The following ABCA9 variants were observed in gnomAD, a reference collection of about 807,000 sequenced individuals.
ABCA9 encodes ATP-binding cassette sub-family A member 9.
ABCA9 carries 183 observed loss-of-function variants against 205.3 expected under a neutral mutation model. That is an observed-to-expected ratio of 0.89 (90% CI 0.79 to 1.01). ABCA9 has a LOEUF of 1.01. Among genes scored for constraint, ABCA9 ranks in the 50% least tolerant of loss-of-function variants. The probability of loss-of-function intolerance (pLI) is 0.00; values close to 1 mark genes in which losing one functional copy is unlikely to be tolerated. For synonymous variants in ABCA9, 651 were observed against 683.3 expected (o/e 0.95, Z 0.74); for missense variants, 1,805 against 1,912.4 (o/e 0.94, Z 1.05).
rs139507179 is a variant in ABCA9, at chr17:69,023,633, C to T, written c.2281+581G>A. Among the ~76,000 whole-genome samples the T allele has an allele frequency of 5.9e-3, 893 of 152,292 alleles. 10 individuals carry two copies. Among genetic ancestry groups the T allele is most frequent in the African/African-American group, 0.02 (842 of 41,556 alleles). ...AGTAAACTTAAGAAGCATTCTACCT[C>T]AAAACGCTTAGGAAGTGAAACAGTG... On this transcript the variant is annotated intron_variant, in intron 17 of 38. Coordinates refer to ENST00000340001, the MANE Select transcript of ABCA9 (RefSeq NM_080283.4). This position sits in a 1 kb window ranked among gnomAD's most constrained non-coding sequence, Gnocchi z 4.2.
At chr17:68,987,853 C>T (rs556802956) in intron 31 of ABCA9, among the ~76,000 whole-genome samples, 2 of 152,050 alleles carry the variant, frequency 1.3e-5, no homozygotes, top group South Asian at 4.2e-4. Flanking sequence ...CTTGGCCTCC[C>T]GGCCGGGTTC....
At chr17:68,990,806 A>G (rs778069664) in intron 29 of ABCA9, 31 bp downstream of exon 29, 1 of 1,594,878 alleles carries the variant, frequency 6.3e-7, no homozygotes, top group Non-Finnish European at 8.5e-7. Flanking sequence ...AGAAAAAAAA[A>G]TAGTTGACGA....
chr17:69,076,788 T>G, the ABCA9 span, among the ~76,000 whole-genome samples: 1 of 152,160 alleles, frequency 6.6e-6, no homozygotes, highest in Non-Finnish European at 1.5e-5. Context: ...ATTTTCTAGT[T>G]TGTGTGCATA....
chr17:68,983,653 C>T, intron 36 of ABCA9, 56 bp downstream of exon 36: 1 of 1,595,772 alleles, frequency 6.3e-7, no homozygotes, highest in Non-Finnish European at 8.5e-7. Context: ...GTCATCATAG[C>T]AGAAATATGG....
In ABCA9 at chr17:69,005,086, G is replaced by A. The variant is rs190760992; in HGVS notation, c.3435+2673C>T. Among the ~76,000 whole-genome samples, 356 of 152,254 alleles carry A rather than the reference G, an allele frequency of 2.3e-3. 1 individual carries two copies. Among genetic ancestry groups the A allele is most frequent in the East Asian group, 4.3e-3 (22 of 5,170 alleles). On this transcript the variant is annotated intron_variant, in intron 25 of 38. Coordinates refer to ENST00000340001, the MANE Select transcript of ABCA9 (RefSeq NM_080283.4). ...AATGCAGAAATCACCCGTCTTCTGCGTCGCTCAGGCTGGGAGCTGTAGACC... is the reference window on the plus strand; with the variant it reads ...AATGCAGAAATCACCCGTCTTCTGCATCGCTCAGGCTGGGAGCTGTAGACC...
At chr17:69,008,273 A>T (rs745973290) in intron 23 of ABCA9, 38 bp from the exon 24 acceptor site, 3 of 1,581,748 alleles carry the variant, frequency 1.9e-6, no homozygotes, top group Non-Finnish European at 2.6e-6. Flanking sequence ...AAGGTTCTGA[A>T]GAGCTGAAGT....
At chr17:68,979,095 G>T (rs1163347201) in intron 37 of ABCA9, among the ~76,000 whole-genome samples, 1 of 152,104 alleles carries the variant, frequency 6.6e-6, no homozygotes, top group African/African-American at 2.4e-5. Context: ...AAAGTCTCAG[G>T]ATACAAAATC....
intron 6 of ABCA9, among the ~76,000 whole-genome samples, chr17:69,038,723 C>T (rs1184546648): frequency 3.9e-5 from 6 of 152,110 alleles, no homozygotes; most frequent in Non-Finnish European, 7.4e-5. Flanking sequence ...CCAGCACAAT[C>T]AGGCAAGAGA....
intron 30 of ABCA9, 129 bp from the exon 31 acceptor site, chr17:68,989,247 C>CTG: frequency 2.3e-6 from 1 of 437,470 alleles, no homozygotes; most frequent in Non-Finnish European, 4.1e-6. Flanking sequence ...TTATTCCTCT[C>CTG]TCTCTCTCTC....
At chr17:68,983,630 A>C (rs1345231683) in intron 36 of ABCA9, 79 bp downstream of exon 36, 1 of 1,552,020 alleles carries the variant, frequency 6.4e-7, no homozygotes. Context: ...CGAGAAGATA[A>C]AGCTCTTATT....
At chr17:69,051,704 G>A (rs2071906520) in intron 1 of ABCA9, 2 of 152,244 alleles carry the variant, frequency 1.3e-5, no homozygotes, top group African/African-American at 4.8e-5. Flanking sequence ...TAGGATTCAG[G>A]AGCACTGGAT....
At chr17:69,039,700 C>T (rs2071470608) in intron 6 of ABCA9, among the ~76,000 whole-genome samples, 1 of 152,110 alleles carries the variant, frequency 6.6e-6, no homozygotes, top group African/African-American at 2.4e-5. Context: ...CAAAAATTGA[C>T]AAATGGGATC....
In ABCA9 at chr17:69,027,704, A is replaced by G; in HGVS notation, c.1727T>C (p.Val576Ala). Residue 576 changes from valine to alanine, a missense_variant, in exon 13 of 39, where the codon GTG becomes GCG. Physicochemically the swap from Val to Ala is moderately conservative, Grantham distance 64. Transcript: ENST00000340001. ...AGCAAACAGCCTGAGGTTTTCTTTCACAGTGAGAAATCCAAATTGCACATT... is the reference window on the plus strand; with the variant it reads ...AGCAAACAGCCTGAGGTTTTCTTTCGCAGTGAGAAATCCAAATTGCACATT... Reference protein sequence around the residue: ...QSNVQFGFLTVKENLRLFAKI... With the variant: ...QSNVQFGFLTAKENLRLFAKI... 1.9e-6 allele frequency: 3 copies of G among 1,613,574 alleles called. No individual in the cohort carries two copies. The highest frequency in any genetic ancestry group is 2.5e-6 in the Non-Finnish European group (3 of 1,179,900).
chr17:68,986,357 C>A (rs1359148653), intron 31 of ABCA9, 33 bp from the exon 32 acceptor site: 1 of 1,581,860 alleles, frequency 6.3e-7, no homozygotes, highest in East Asian at 2.3e-5. Flanking sequence ...TAGATTCTAT[C>A]CCAAATGTCA....
At chr17:69,006,341 A>T (rs1390021485) in intron 25 of ABCA9, among the ~76,000 whole-genome samples, 1 of 152,216 alleles carries the variant, frequency 6.6e-6, no homozygotes, top group African/African-American at 2.4e-5. Context: ...AGAACAAGAA[A>T]GTTCATGGCA....
rs2068891999 is a variant in ABCA9 at position 68,976,329 on chromosome 17, A to G, written c.4721-139T>C. ...AGTATTCTTAGACTAAATATGGGAA[A>G]GCAAACGCGATATAGTCATATAACA... On this transcript the variant is annotated intron_variant, in intron 37 of 38. Coordinates refer to ENST00000340001, the MANE Select transcript of ABCA9 (RefSeq NM_080283.4). 3 of 704,090 alleles carry G rather than the reference A, an allele frequency of 4.3e-6. No individual in the cohort carries two copies. The African/African-American group carries it at 5.4e-5, about 13-fold the overall frequency. The allele number at this position is 704,090 out of a possible 1,614,324, so 43.6% of individuals were successfully genotyped here.
At chr17:68,999,568 A>G (rs1352525746) in intron 25 of ABCA9, among the ~76,000 whole-genome samples, 1 of 144,438 alleles carries the variant, frequency 6.9e-6, no homozygotes, top group African/African-American at 2.6e-5. Flanking sequence ...GCTATTGTGA[A>G]TAATGCCGCA....
rs1225266364 is a variant in ABCA9 at position 69,027,442 on chromosome 17, C to T, written c.1799G>A (p.Arg600Gln). The T allele has an allele frequency of 1.2e-5, 20 of 1,606,266 alleles. No individual in the cohort carries two copies. Among genetic ancestry groups the T allele is most frequent in the Admixed American group, 1.2e-4 (7 of 58,116 alleles). Residue 600 changes from arginine (R) to glutamine (Q), a missense_variant, in exon 14 of 39, where the codon CGA (arginine) becomes CAA (glutamine). Transcript: ENST00000340001. The stretch of plus-strand genomic sequence containing the variant: ...TTCCATTTCTAATTCCTGTACAACT[C>T]GTTGTACCTAATCAAATAAAGAATA... ...LPHEVEKEVQ[R>Q]VVQELEMENI...
intron 10 of ABCA9, among the ~76,000 whole-genome samples, chr17:69,029,780 G>A (rs2071101110): frequency 1.3e-5 from 2 of 152,052 alleles, no homozygotes. Context: ...GAGTAAATAA[G>A]ATAATATACG....
Sources: gnomAD v4.1 joint callset for allele counts (sites outside exome capture counted in the v4.1 genomes callset) on GRCh38, gnomAD v4.1.1 for gene constraint, Gnocchi (gnomAD v3.1) non-coding constraint, MANE v1.5 for transcripts, NCBI Gene and HGNC (gene_info 2026-07-23, HGNC 2026-07-21) for gene names.